The following PCDHA5 variants were observed in gnomAD, a reference collection of about 807,000 sequenced individuals.
PCDHA5 encodes the protein protocadherin alpha 5, also known as protocadherin alpha-5.
In PCDHA5, 43 loss-of-function variants were observed where a neutral mutation model predicts 61.6. The observed-to-expected ratio is 0.70, with a 90% confidence interval of 0.55 to 0.90. The LOEUF is 0.90. Among genes scored for constraint, PCDHA5 ranks in the 40% least tolerant of loss-of-function variants. PCDHA5 has a pLI of 0.00. For missense variants in PCDHA5, 1,298 were observed against 1,222.7 expected, an observed-to-expected ratio of 1.06 and a Z score of -0.92; for synonymous variants, 627 against 543.9, an observed-to-expected ratio of 1.15 and a Z score of -2.13.
chr5:141,006,350 T>G (rs1254086807), intron 3 of PCDHA5, among the ~76,000 whole-genome samples: 2 of 152,086 alleles, frequency 1.3e-5, no homozygotes, highest in Non-Finnish European at 2.9e-5. Flanking sequence ...TAGCTGGGAC[T>G]ATAGGCGCCC....
chr5:140,941,193 TTC>T (rs1491512649), intron 1 of PCDHA5, among the ~76,000 whole-genome samples: 2 of 116,638 alleles, frequency 1.7e-5, no homozygotes, highest in Admixed American at 1.7e-4. Flanking sequence ...TTCTTTTTTT[TTC>T]TTTCTTCCTT....
chr5:141,002,271 T>C (rs942626808), intron 3 of PCDHA5, among the ~76,000 whole-genome samples: 3 of 152,220 alleles, frequency 2.0e-5, no homozygotes, highest in African/African-American at 7.2e-5. Context: ...CCAGAGCTGG[T>C]AACAAAGGGA....
rs2150236532 is a variant in PCDHA5, at chr5:140,835,484, C to G, written c.2352+11357C>G. The G allele has an allele frequency of 8.7e-6, 14 of 1,613,926 alleles. 1 individual carries two copies. The highest frequency in any genetic ancestry group is 1.6e-4 in the Middle Eastern group (1 of 6,062). ...TTCCAGAGGACGCCCAACCAGGTAC[C>G]GTCATCACATTGATTAGCGTGTTTG... On this transcript the variant is annotated intron_variant, in intron 1 of 3. Coordinates refer to ENST00000529859, the MANE Select transcript of PCDHA5 (RefSeq NM_018908.3).
intron 3 of PCDHA5, among the ~76,000 whole-genome samples, chr5:140,994,564 G>A (rs1554254259): frequency 6.6e-6 from 1 of 152,070 alleles, no homozygotes; most frequent in Non-Finnish European, 1.5e-5. Flanking sequence ...AATTAGCCGG[G>A]TGTGGTGGCA....
At chr5:140,994,387 C>G (rs192635308) in intron 3 of PCDHA5, among the ~76,000 whole-genome samples, 1 of 152,174 alleles carries the variant, frequency 6.6e-6, no homozygotes, top group South Asian at 2.1e-4. Context: ...GGGACTAAGT[C>G]AGAGATTATT....
At chr5:140,872,215 A>T (rs931630004) in intron 1 of PCDHA5, among the ~76,000 whole-genome samples, 2 of 152,188 alleles carry the variant, frequency 1.3e-5, no homozygotes, top group Non-Finnish European at 2.9e-5. Flanking sequence ...ATTATATATG[A>T]AACAATCTTT....
chr5:140,823,215 C>A lies in PCDHA5; in HGVS notation c.1440C>A (p.Asp480Glu), dbSNP rs916835953. ...ACATCTTCACGGTGTCTGCACGGGA[C>A]GCGGACGCGCAGGAGAACGCCCTGG... ...GCHIFTVSAR[D>E]ADAQENALVS... The change falls in exon 1 of 4, where the codon GAC becomes GAA. Residue 480 changes from aspartate (D) to glutamate (E), a missense_variant. Transcript: ENST00000529859. 7.4e-6 allele frequency: 12 copies of A among 1,613,770 alleles called. No homozygotes were observed. Among genetic ancestry groups the A allele is most frequent in the Non-Finnish European group, 1.0e-5 (12 of 1,179,824 alleles).
chr5:140,870,806 A>C (rs546684407), intron 1 of PCDHA5: 10 of 1,613,686 alleles, frequency 6.2e-6, no homozygotes, highest in Admixed American at 5.0e-5. Flanking sequence ...CTGGCGACTC[A>C]GGCTGGCAGC....
intron 1 of PCDHA5, chr5:140,871,063 G>A (rs377081112): frequency 1.2e-6 from 2 of 1,613,272 alleles, no homozygotes; most frequent in Non-Finnish European, 1.7e-6. Flanking sequence ...GAAGGATCAC[G>A]GTGAGCCGGC....
Position 140,843,333 on chromosome 5 carries a change from A to G in PCDHA5, c.2352+19206A>G, listed in dbSNP as rs2150357637. 2.5e-6 allele frequency: 4 copies of G among 1,596,000 alleles called. No homozygotes were observed. The Admixed American group carries it at 5.1e-5, about 20-fold the overall frequency. ...GCCACGGTTCTGGTGTCGCTGGTGG[A>G]GAGCGGCCAGGCTCCAAAAGCGTCA... On this transcript the variant is annotated intron_variant, in intron 1 of 3. Transcript: ENST00000529859.
rs150518215 is a variant in PCDHA5, at chr5:140,883,444, T to G, written c.2352+59317T>G. On this transcript the variant is annotated intron_variant, in intron 1 of 3. Transcript: ENST00000529859. ...AGGTCACCTGCACCTTGACGCCGCATGTCCCCTTCAAGCTGGTGTCCACCT... is the reference window on the plus strand; with the variant it reads ...AGGTCACCTGCACCTTGACGCCGCAGGTCCCCTTCAAGCTGGTGTCCACCT... The G allele has an allele frequency of 2.5e-6, 4 of 1,614,052 alleles. No individual in the cohort carries two copies. In the African/African-American group the frequency reaches 4.0e-5, roughly 16 times the overall value.
At chr5:140,872,800 C>T (rs2053907687) in intron 1 of PCDHA5, among the ~76,000 whole-genome samples, 2 of 152,078 alleles carry the variant, frequency 1.3e-5, no homozygotes, top group African/African-American at 4.8e-5. Context: ...TGGCATTCTT[C>T]CATAAGTTTT....
intron 1 of PCDHA5, among the ~76,000 whole-genome samples, chr5:140,855,631 C>T (rs1193422916): frequency 1.3e-5 from 2 of 149,640 alleles, no homozygotes; most frequent in African/African-American, 4.9e-5. Flanking sequence ...TGAAATTCGG[C>T]TATTGATAAT....
At chr5:140,913,857 T>C (rs1374392004) in intron 1 of PCDHA5, among the ~76,000 whole-genome samples, 3 of 152,208 alleles carry the variant, frequency 2.0e-5, no homozygotes, top group Admixed American at 6.5e-5. Context: ...CAGGAGCATA[T>C]TGTTTAATTT....
At chr5:140,957,191 T>C (rs1302296413) in intron 1 of PCDHA5, among the ~76,000 whole-genome samples, 1 of 152,150 alleles carries the variant, frequency 6.6e-6, no homozygotes, top group Non-Finnish European at 1.5e-5. Flanking sequence ...TGATGACCGA[T>C]TGGGAATATA....
chr5:140,877,155 C>A, intron 1 of PCDHA5: 1 of 1,613,798 alleles, frequency 6.2e-7, no homozygotes, highest in Non-Finnish European at 8.5e-7. Context: ...AGAACGACAA[C>A]GCGCCGGCAC....
At chr5:140,853,934 C>A in intron 1 of PCDHA5, 1 of 864,496 alleles carries the variant, frequency 1.2e-6, no homozygotes, top group Non-Finnish European at 1.4e-6. Flanking sequence ...TTTGGGAGGC[C>A]AAGGTGGGAG....
chr5:140,944,697 T>C (rs1227405627), intron 1 of PCDHA5, among the ~76,000 whole-genome samples: 1 of 152,198 alleles, frequency 6.6e-6, no homozygotes, highest in Non-Finnish European at 1.5e-5. Context: ...ATAACAGTAA[T>C]TATCAGGTTA....
intron 1 of PCDHA5, among the ~76,000 whole-genome samples, chr5:140,892,029 T>C (rs954107632): frequency 2.0e-4 from 30 of 152,336 alleles, no homozygotes; most frequent in Middle Eastern, 6.8e-3. Context: ...TGGTCTAAGA[T>C]ACTTTTATTT....
Sources: allele counts gnomAD v4.1 joint callset (sites outside exome capture counted in the v4.1 genomes callset), GRCh38; gene constraint gnomAD v4.1.1; transcripts MANE v1.5; gene names NCBI Gene and HGNC (gene_info 2026-07-23, HGNC 2026-07-21).